The following ALG6 variants were observed in gnomAD, a reference collection of about 807,000 sequenced individuals.
ALG6 encodes ALG6 alpha-1,3-glucosyltransferase.
A neutral mutation model predicts 66.6 loss-of-function variants in ALG6; 46 were observed. That is an observed-to-expected ratio of 0.69 (90% CI 0.55 to 0.88). ALG6 has a LOEUF of 0.88. ALG6 is among the 40% of genes least tolerant of loss of function. The probability of loss-of-function intolerance (pLI) is 0.00; values close to 1 mark genes in which losing one functional copy is unlikely to be tolerated. For missense variants in ALG6, 505 were observed against 586.8 expected (o/e 0.86, Z 1.44); for synonymous variants, 185 against 203.7 (o/e 0.91, Z 0.78).
At position 63,404,508 on chromosome 1, in the gene ALG6, A is replaced by G; in HGVS notation, c.313A>G (p.Ser105Gly). The change falls in exon 5 of 15, where the codon AGT (serine) becomes GGT (glycine). Residue 105 changes from serine to glycine, a missense_variant. Ser to Gly is a moderately conservative substitution (Grantham distance 56). Coordinates refer to ENST00000263440, the MANE Select transcript of ALG6 (RefSeq NM_013339.4). Reference sequence around the variant, plus strand: ...TCTCCATACATCACGTGGATATGAGAGTCAGGCACATAAGCTCTTCATGCG... The same window carrying G: ...TCTCCATACATCACGTGGATATGAGGGTCAGGCACATAAGCTCTTCATGCG... ...IALHTSRGYE[S>G]QAHKLFMRTT... 6.2e-7 allele frequency: 1 copy of G among 1,613,794 alleles called. No individual in the cohort carries two copies.
At chr1:63,384,684 T>C (rs1389572436) in intron 2 of ALG6, among the ~76,000 whole-genome samples, 1 of 152,108 alleles carries the variant, frequency 6.6e-6, no homozygotes, top group Non-Finnish European at 1.5e-5. Flanking sequence ...GAGATAGGGG[T>C]TTAGTTTCAT....
chr1:63,401,483 T>C (rs1275808007), intron 3 of ALG6, among the ~76,000 whole-genome samples: 1 of 151,670 alleles, frequency 6.6e-6, no homozygotes, highest in East Asian at 1.9e-4. Flanking sequence ...CTGGCCAACA[T>C]GGTGAAACCC....
chr1:63,391,683 G>A (rs2100400374), intron 2 of ALG6, among the ~76,000 whole-genome samples: 1 of 152,282 alleles, frequency 6.6e-6, no homozygotes, highest in East Asian at 1.9e-4. Context: ...AGCTTGCTTA[G>A]TATTAATGCA....
intron 12 of ALG6, among the ~76,000 whole-genome samples, chr1:63,422,313 CTA>C (rs1380357638): frequency 7.7e-5 from 3 of 39,056 alleles, no homozygotes; most frequent in Non-Finnish European, 1.2e-4. Context: ...AAATATATAT[CTA>C]TATATGAATA....
In ALG6 at chr1:63,433,520, G is replaced by A. The variant is rs1194068861; in HGVS notation, c.1327-3303G>A. ...AGGTGAACAGGAAAGACAAGGAGAG[G>A]ATTAACTTTACTCAGGGGTTCAAAT... On this transcript the variant is annotated intron_variant, in intron 14 of 14. Coordinates refer to ENST00000263440, the MANE Select transcript of ALG6 (RefSeq NM_013339.4). The surrounding 1 kb of genome is among the most constrained non-coding windows in gnomAD (Gnocchi z 4.2). Among the ~76,000 whole-genome samples, 1 of 152,080 alleles carries A rather than the reference G, an allele frequency of 6.6e-6. No individual in the cohort carries two copies. Among genetic ancestry groups the A allele is most frequent in the African/African-American group, 2.4e-5 (1 of 41,386 alleles).
chr1:63,380,981 A>G (rs1197766423), intron 2 of ALG6, among the ~76,000 whole-genome samples: 1 of 152,194 alleles, frequency 6.6e-6, no homozygotes, highest in Non-Finnish European at 1.5e-5. Context: ...GCTATGATAT[A>G]TTTTTGTCAT....
intron 9 of ALG6, chr1:63,413,738 C>T (rs924608749): frequency 4.8e-6 from 1 of 206,882 alleles, no homozygotes; most frequent in African/African-American, 2.3e-5. Flanking sequence ...GTAGAAAAAA[C>T]ATTTCTTAGA....
intron 3 of ALG6, among the ~76,000 whole-genome samples, chr1:63,398,262 T>C (rs144981278): frequency 2.3e-3 from 344 of 152,292 alleles, no homozygotes; most frequent in African/African-American, 8.0e-3. Flanking sequence ...CGAAACACTT[T>C]AAATGTCTCT....
intron 2 of ALG6, among the ~76,000 whole-genome samples, chr1:63,385,837 A>G (rs1194612641): frequency 6.6e-6 from 1 of 151,624 alleles, no homozygotes; most frequent in African/African-American, 2.4e-5. Context: ...TGCGCTAGCT[A>G]AGACTAACAG....
rs1199302449 is a variant in ALG6 at position 63,421,467 on chromosome 1, A to G, written c.1058+2027A>G. ...TACCATTTGACCCAGCAATCCCATT[A>G]CTGAGTATATACCCAAAGGATTAGA... is the stretch of plus-strand genomic sequence containing the variant. On this transcript the variant is annotated intron_variant, in intron 12 of 14. Transcript: ENST00000263440. 3.9e-5 allele frequency among the ~76,000 whole-genome samples: 6 copies of G among 152,216 alleles called. 1 individual carries two copies. The highest frequency in any genetic ancestry group is 3.9e-4 in the Admixed American group (6 of 15,280).
chr1:63,422,819 G>T (rs1220617760), intron 12 of ALG6, among the ~76,000 whole-genome samples: 1 of 151,944 alleles, frequency 6.6e-6, no homozygotes, highest in Non-Finnish European at 1.5e-5. Context: ...GCTGGGTGTG[G>T]TGATGCATGC....
intron 2 of ALG6, among the ~76,000 whole-genome samples, chr1:63,383,403 GTA>G (rs1464521806): frequency 6.6e-6 from 1 of 151,980 alleles, no homozygotes; most frequent in Non-Finnish European, 1.5e-5. Flanking sequence ...CAGGCATGAG[GTA>G]CCGTGCCTGG....
At chr1:63,424,266 G>A (rs911646337) in intron 12 of ALG6, among the ~76,000 whole-genome samples, 4 of 151,634 alleles carry the variant, frequency 2.6e-5, no homozygotes, top group Admixed American at 1.3e-4. Context: ...TCAGCCTCCC[G>A]AGTAGCTGGG....
In ALG6 at chr1:63,428,821, A is replaced by G; in HGVS notation, c.1127+20A>G. On this transcript the variant is annotated intron_variant, in intron 13 of 14. Coordinates refer to ENST00000263440, the MANE Select transcript of ALG6 (RefSeq NM_013339.4). ...ATTTAGGTAAGTCATATCAATTTCC[A>G]TATATTTTCAGTATAATTCTTGTAA... 11 of 1,593,318 alleles carry G rather than the reference A, an allele frequency of 6.9e-6. No individual in the cohort carries two copies. Among genetic ancestry groups the G allele is most frequent in the Non-Finnish European group, 9.5e-6 (11 of 1,162,744 alleles).
chr1:63,424,431 G>A (rs1056513715), intron 12 of ALG6, among the ~76,000 whole-genome samples: 3 of 152,104 alleles, frequency 2.0e-5, no homozygotes, highest in African/African-American at 7.2e-5. Flanking sequence ...GAACCACTGC[G>A]CTTGGCCGTT....
chr1:63,417,509 T>G (rs1035090408), intron 11 of ALG6, among the ~76,000 whole-genome samples: 9 of 152,104 alleles, frequency 5.9e-5, no homozygotes, highest in Non-Finnish European at 1.2e-4. Flanking sequence ...CTTCTGAGAG[T>G]TTTAAGAACA....
chr1:63,397,130 G>A (rs1197329662), intron 3 of ALG6, among the ~76,000 whole-genome samples: 1 of 151,848 alleles, frequency 6.6e-6, no homozygotes, highest in Admixed American at 6.6e-5. Flanking sequence ...ATAGGGCATG[G>A]CACATTGTAG....
rs149296415 is a variant in ALG6 at position 63,378,762 on chromosome 1, A to T, written c.82+7703A>T. Among the ~76,000 whole-genome samples the T allele has an allele frequency of 8.1e-3, 1,215 of 150,302 alleles. 12 individuals carry two copies. The highest frequency in any genetic ancestry group is 0.027 in the African/African-American group (1,125 of 41,020). On this transcript the variant is annotated intron_variant, in intron 2 of 14. Coordinates refer to ENST00000263440, the MANE Select transcript of ALG6 (RefSeq NM_013339.4). Reference sequence around the variant, plus strand: ...TTCATTCTGTCTTCTGTGTTTCATAATCTCTTGTATTTTCCATCTCGGGGT... The same window carrying T: ...TTCATTCTGTCTTCTGTGTTTCATATTCTCTTGTATTTTCCATCTCGGGGT...
chr1:63,371,079 T>TAAAA lies in ALG6; in HGVS notation c.82+27_82+30dup. 7.0e-7 allele frequency: 1 copy of TAAAA among 1,423,666 alleles called. No individual in the cohort carries two copies. Among genetic ancestry groups the TAAAA allele is most frequent in the Non-Finnish European group, 9.6e-7 (1 of 1,036,880 alleles). The allele number at this position is 1,423,666 out of a possible 1,614,324, so 88.2% of individuals were successfully genotyped here. A position where few individuals can be genotyped will look rare whatever the true frequency, so the allele number is the denominator to read the frequency against. On this transcript the variant is annotated intron_variant, in intron 2 of 14. Transcript: ENST00000263440. Reference sequence around the variant, plus strand: ...ATTCAGGTAATACATTTTTACTGGTTAAAAAAAAAACGAAATTTTCCTTTG... The same window carrying TAAAA: ...ATTCAGGTAATACATTTTTACTGGTTAAAAAAAAAAAAAACGAAATTTTCCTTTG...
Sources: allele counts gnomAD v4.1 joint callset (sites outside exome capture counted in the v4.1 genomes callset), GRCh38; gene constraint gnomAD v4.1.1; non-coding constraint Gnocchi (gnomAD v3.1); transcripts MANE v1.5; gene names NCBI Gene and HGNC (gene_info 2026-07-23, HGNC 2026-07-21).